The following VAT1L variants were observed in gnomAD, a reference collection of about 807,000 sequenced individuals.
VAT1L encodes the protein vesicle amine transport 1 like.
In VAT1L, 34 loss-of-function variants were observed where a neutral mutation model predicts 44.1. The ratio of observed to expected loss-of-function variants is 0.77; its 90% CI spans 0.59 to 1.03. VAT1L has a LOEUF of 1.03. Among genes scored for constraint, VAT1L ranks in the 50% least tolerant of loss-of-function variants. The pLI, the probability that VAT1L is intolerant of heterozygous loss-of-function variation, is 0.00. For synonymous variants in VAT1L, 253 were observed against 202.2 expected, an observed-to-expected ratio of 1.25 and a Z score of -2.13; for missense variants, 615 against 538.8, an observed-to-expected ratio of 1.14 and a Z score of -1.40.
intron 7 of VAT1L, among the ~76,000 whole-genome samples, chr16:77,908,680 C>T (rs947968543): frequency 2.0e-5 from 3 of 151,918 alleles, no homozygotes; most frequent in Non-Finnish European, 2.9e-5. Flanking sequence ...CTTTGGGAGG[C>T]CGAGATGGGC....
At chr16:77,836,284 T>A (rs1255506155) in intron 3 of VAT1L, among the ~76,000 whole-genome samples, 3 of 152,090 alleles carry the variant, frequency 2.0e-5, no homozygotes, top group Non-Finnish European at 4.4e-5. Context: ...CTCGCTCATT[T>A]TTTCTGCCTG....
At chr16:77,813,549 T>C (rs964071586) in intron 1 of VAT1L, among the ~76,000 whole-genome samples, 1 of 152,232 alleles carries the variant, frequency 6.6e-6, no homozygotes, top group Non-Finnish European at 1.5e-5. Context: ...AACTCAGCAA[T>C]GGAAGTCTAC....
At chr16:77,933,265 G>C (rs892706328) in intron 7 of VAT1L, among the ~76,000 whole-genome samples, 1 of 152,168 alleles carries the variant, frequency 6.6e-6, no homozygotes, top group African/African-American at 2.4e-5. Context: ...CAGCATGGTA[G>C]AGTAACTTGT....
intron 1 of VAT1L, chr16:77,800,410 G>T (rs1314006122): frequency 6.6e-6 from 1 of 152,158 alleles, no homozygotes; most frequent in Non-Finnish European, 1.5e-5. Context: ...GGGACTCTAA[G>T]GCCGACCAAC....
At chr16:77,917,665 C>T (rs373221072) in intron 7 of VAT1L, among the ~76,000 whole-genome samples, 1 of 152,108 alleles carries the variant, frequency 6.6e-6, no homozygotes, top group African/African-American at 2.4e-5. Context: ...GATGGAGTAG[C>T]GATTAAGATT....
chr16:77,809,355 A>G lies in VAT1L; in HGVS notation c.234-7566A>G, dbSNP rs61066896. 4.2e-3 allele frequency among the ~76,000 whole-genome samples: 633 copies of G among 152,320 alleles called. 7 individuals are homozygous for G. The highest frequency in any genetic ancestry group is 0.015 in the African/African-American group (606 of 41,576). ...TTTCCTTCCCATCCTCCATCATCAG[A>G]GAAATTAGAAAGGCCAGATTTCTGT... On this transcript the variant is annotated intron_variant, in intron 1 of 8. Transcript: ENST00000302536.
chr16:77,940,323 G>A (rs752029497), intron 7 of VAT1L, among the ~76,000 whole-genome samples: 1 of 148,872 alleles, frequency 6.7e-6, no homozygotes. Flanking sequence ...TACAAGCCAG[G>A]TCTAACATAC....
intron 3 of VAT1L, among the ~76,000 whole-genome samples, chr16:77,861,166 T>C (rs1285566133): frequency 6.6e-6 from 1 of 152,198 alleles, no homozygotes; most frequent in Non-Finnish European, 1.5e-5. Flanking sequence ...CAACCTGATT[T>C]AGTCCGCCAG....
chr16:77,932,788 C>A (rs751228212), intron 7 of VAT1L, among the ~76,000 whole-genome samples: 2 of 152,150 alleles, frequency 1.3e-5, no homozygotes, highest in Non-Finnish European at 2.9e-5. Flanking sequence ...TGCCCACAAA[C>A]CTGCATTCTT....
At chr16:77,903,660 G>T (rs2017408097) in intron 7 of VAT1L, among the ~76,000 whole-genome samples, 1 of 150,886 alleles carries the variant, frequency 6.6e-6, no homozygotes, top group Non-Finnish European at 1.5e-5. Context: ...TCTATTTTTA[G>T]AAATAATTAT....
At chr16:77,946,013 G>A (rs2017957740) in intron 7 of VAT1L, among the ~76,000 whole-genome samples, 1 of 151,948 alleles carries the variant, frequency 6.6e-6, no homozygotes, top group Admixed American at 6.6e-5. Context: ...TGTTGGTCAG[G>A]CTGGTCTCGA....
intron 3 of VAT1L, among the ~76,000 whole-genome samples, chr16:77,859,401 G>C (rs4888692): frequency 0.29 from 43,712 of 152,098 alleles, 6,576 homozygotes; most frequent in East Asian, 0.45. Flanking sequence ...GCTGAAGTTC[G>C]GTGTGTGTTA....
chr16:77,877,491 C>T (rs1187729679), intron 5 of VAT1L, among the ~76,000 whole-genome samples: 4 of 126,128 alleles, frequency 3.2e-5, no homozygotes, highest in East Asian at 2.2e-4. Context: ...CTAGCCTGGG[C>T]GACAGAGCGG....
At chr16:77,906,428 C>T (rs1393631907) in intron 7 of VAT1L, among the ~76,000 whole-genome samples, 4 of 152,088 alleles carry the variant, frequency 2.6e-5, no homozygotes, top group South Asian at 4.1e-4. Context: ...GACAGTCATA[C>T]GATTGATGGA....
intron 4 of VAT1L, among the ~76,000 whole-genome samples, chr16:77,868,951 G>C (rs565779563): frequency 6.6e-6 from 1 of 152,262 alleles, no homozygotes; most frequent in South Asian, 2.1e-4. Context: ...GGGCTAGATT[G>C]ATGAGACTCT....
intron 7 of VAT1L, among the ~76,000 whole-genome samples, chr16:77,902,359 T>C (rs2017392117): frequency 6.6e-6 from 1 of 152,206 alleles, no homozygotes; most frequent in Admixed American, 6.5e-5. Flanking sequence ...CATAAAAACA[T>C]TGAGTAGTTA....
intron 1 of VAT1L, among the ~76,000 whole-genome samples, chr16:77,792,012 C>T (rs2015843995): frequency 6.6e-6 from 1 of 152,164 alleles, no homozygotes; most frequent in Non-Finnish European, 1.5e-5. Flanking sequence ...GCTTAAGCCT[C>T]ATCTCTTCCT....
At chr16:77,845,652 G>A (rs184722347) in intron 3 of VAT1L, among the ~76,000 whole-genome samples, 60 of 152,122 alleles carry the variant, frequency 3.9e-4, no homozygotes, top group African/African-American at 1.3e-3. Context: ...TTCCCCAGTC[G>A]CTTTCTCTCC....
At chr16:77,938,924 G>C (rs994511834) in intron 7 of VAT1L, among the ~76,000 whole-genome samples, 6 of 152,166 alleles carry the variant, frequency 3.9e-5, no homozygotes, top group Non-Finnish European at 7.3e-5. Context: ...GGGGAAACAG[G>C]AGTGTGGGGA....
Sources: allele counts gnomAD v4.1 joint callset (sites outside exome capture counted in the v4.1 genomes callset), GRCh38; gene constraint gnomAD v4.1.1; transcripts MANE v1.5; gene names NCBI Gene and HGNC (gene_info 2026-07-23, HGNC 2026-07-21).